The following MED4 variants were observed in gnomAD, a reference collection of about 807,000 sequenced individuals.
MED4 encodes the protein mediator complex subunit 4.
Under a neutral mutation model 35.0 loss-of-function variants are expected in MED4, and 21 were observed. That is an observed-to-expected ratio of 0.60 (90% CI 0.43 to 0.86). The LOEUF (loss-of-function observed/expected upper bound fraction) is 0.86. MED4 is among the 40% of genes least tolerant of loss of function. The pLI is 0.00. For synonymous variants in MED4, 138 were observed against 114.0 expected, an observed-to-expected ratio of 1.21 and a Z score of -1.34; for missense variants, 300 against 319.4, an observed-to-expected ratio of 0.94 and a Z score of 0.46.
At chr13:48,084,078 C>A (rs140571424) in intron 3 of MED4, among the ~76,000 whole-genome samples, 96 of 152,018 alleles carry the variant, frequency 6.3e-4, no homozygotes, top group African/African-American at 2.2e-3. Context: ...CTGACCAACA[C>A]GGTAAAAACC....
At chr13:48,084,125 T>C (rs545630580) in intron 3 of MED4, among the ~76,000 whole-genome samples, 1 of 152,238 alleles carries the variant, frequency 6.6e-6, no homozygotes, top group African/African-American at 2.4e-5. Context: ...TATATGGGCA[T>C]GGTGACACAC....
At chr13:48,081,934 G>C (rs1362274411) in intron 4 of MED4, among the ~76,000 whole-genome samples, 1 of 152,098 alleles carries the variant, frequency 6.6e-6, no homozygotes, top group African/African-American at 2.4e-5. Flanking sequence ...AGAAAAATTA[G>C]CTGACATAAA....
intron 6 of MED4, 132 bp from the exon 7 acceptor site, chr13:48,077,443 G>T: frequency 1.4e-6 from 1 of 719,316 alleles, no homozygotes; most frequent in Non-Finnish European, 2.1e-6. Context: ...TTGACACAGG[G>T]TCTCATTCTG....
chr13:48,084,304 G>C (rs930037282), intron 3 of MED4, among the ~76,000 whole-genome samples: 3 of 149,640 alleles, frequency 2.0e-5, no homozygotes, highest in African/African-American at 7.4e-5. Flanking sequence ...TATGGAGTCA[G>C]AGAGATCAAG....
At chr13:48,090,221 T>A in intron 2 of MED4, 131 bp downstream of exon 2, 1 of 671,974 alleles carries the variant, frequency 1.5e-6, no homozygotes, top group Non-Finnish European at 2.5e-6. Flanking sequence ...TTTTAATTAA[T>A]AACTTAAAAG....
intron 5 of MED4, among the ~76,000 whole-genome samples, chr13:48,080,396 C>CAAAAAAA (rs57198503): frequency 5.8e-5 from 4 of 68,796 alleles, no homozygotes; most frequent in Non-Finnish European, 7.7e-5. Flanking sequence ...GACCCTGTCT[C>CAAAAAAA]AAAAAAAAAA....
Position 48,086,372 on chromosome 13 carries a change from A to T in MED4, c.273T>A (p.His91Gln), listed in dbSNP as rs904028904. ...KLALNQGKIHHEMQVLEKEVE... is the reference protein window; with the variant it reads ...KLALNQGKIHQEMQVLEKEVE... ...CTTCTTTTTCTAAAACTTGCATTTC[A>T]TGATGAATTTTTCCCTGATTAAGTG... Residue 91 changes from histidine to glutamine, a missense_variant, in exon 3 of 7, where the codon CAT becomes CAA. Transcript: ENST00000258648. The T allele has an allele frequency of 6.2e-7, 1 of 1,613,468 alleles. No homozygotes were observed. The highest frequency in any genetic ancestry group is 2.2e-5 in the East Asian group (1 of 44,762).
intron 3 of MED4, among the ~76,000 whole-genome samples, chr13:48,084,830 A>G (rs1485919081): frequency 6.6e-6 from 1 of 151,194 alleles, no homozygotes; most frequent in Non-Finnish European, 1.5e-5. Context: ...TTATATACAT[A>G]TTTACAGATT....
intron 3 of MED4, among the ~76,000 whole-genome samples, chr13:48,085,958 A>G (rs1182763266): frequency 5.9e-5 from 9 of 152,200 alleles, no homozygotes; most frequent in Admixed American, 2.0e-4. Context: ...AAAAAAAAAA[A>G]AGAGAGATTT....
intron 2 of MED4, among the ~76,000 whole-genome samples, chr13:48,087,501 A>T: frequency 6.6e-6 from 1 of 152,144 alleles, no homozygotes; most frequent in Non-Finnish European, 1.5e-5. Flanking sequence ...AAAAACTGAG[A>T]CACTGAAACT....
At chr13:48,083,697 G>A (rs73481212) in intron 3 of MED4, among the ~76,000 whole-genome samples, 8,056 of 151,982 alleles carry the variant, frequency 0.053, 513 homozygotes, top group African/African-American at 0.14. Context: ...TTTTCTTCAC[G>A]TCTTCTACCA....
chr13:48,092,394 G>A (rs1229895883), intron 1 of MED4, among the ~76,000 whole-genome samples: 2 of 152,226 alleles, frequency 1.3e-5, no homozygotes, highest in Non-Finnish European at 2.9e-5. Flanking sequence ...TTACAGGCAT[G>A]AGCCACTGCG....
chr13:48,093,420 G>A (rs879443266), intron 1 of MED4: 5 of 257,300 alleles, frequency 1.9e-5, no homozygotes, highest in Non-Finnish European at 4.2e-5. Flanking sequence ...TTTTAAAGAG[G>A]CTAAATCTAA....
Position 48,076,801 on chromosome 13 carries a change from T to A in MED4, c.*338A>T, listed in dbSNP as rs1950762192. 1 of 180,472 alleles carries A rather than the reference T, an allele frequency of 5.5e-6. No individual in the cohort carries two copies. Among genetic ancestry groups the A allele is most frequent in the East Asian group, 1.5e-4 (1 of 6,572 alleles). The allele number at this position is 180,472 out of a possible 1,614,324, so 11.2% of individuals were successfully genotyped here. ...TTCCAAGAAGCCTATTAGTGATATG[T>A]ATATGGATAATTTCCCTCAACTCTA... is the stretch of plus-strand genomic sequence containing the variant. On this transcript the variant is annotated 3_prime_UTR_variant, in exon 7 of 7. Coordinates refer to ENST00000258648, the MANE Select transcript of MED4 (RefSeq NM_014166.4).
intron 1 of MED4, 107 bp downstream of exon 1, chr13:48,094,847 G>T: frequency 6.7e-7 from 1 of 1,491,454 alleles, no homozygotes; most frequent in South Asian, 1.2e-5. Flanking sequence ...CTCCCGAGCT[G>T]GCCCTCCCCG....
chr13:48,077,389 A>C (rs907051937), intron 6 of MED4, 78 bp from the exon 7 acceptor site: 8 of 1,174,402 alleles, frequency 6.8e-6, no homozygotes, highest in Admixed American at 3.2e-5. Flanking sequence ...TTTATGCAAC[A>C]ATTTGAAGTA....
intron 3 of MED4, 139 bp from the exon 4 acceptor site, chr13:48,083,567 T>A: frequency 1.7e-6 from 1 of 597,282 alleles, no homozygotes; most frequent in Non-Finnish European, 2.9e-6. Context: ...TTTGTAATGT[T>A]CTGAAATACC....
chr13:48,084,988 T>C (rs1385416337), intron 3 of MED4, among the ~76,000 whole-genome samples: 1 of 151,984 alleles, frequency 6.6e-6, no homozygotes, highest in Non-Finnish European at 1.5e-5. Context: ...TGCCTCAGCC[T>C]CCCAAGTACC....
At chr13:48,077,361 C>A in intron 6 of MED4, 50 bp from the exon 7 acceptor site, 1 of 1,319,872 alleles carries the variant, frequency 7.6e-7, no homozygotes, top group Non-Finnish European at 1.0e-6. Flanking sequence ...TGTAATTAAT[C>A]TAGTTCTTAC....
Sources: allele counts gnomAD v4.1 joint callset (sites outside exome capture counted in the v4.1 genomes callset), GRCh38; gene constraint gnomAD v4.1.1; transcripts MANE v1.5; gene names NCBI Gene and HGNC (gene_info 2026-07-23, HGNC 2026-07-21).